Variants in ZNF135 observed in about 807,000 individuals in gnomAD.
ZNF135 encodes zinc finger protein 135 (clone pHZ-17).
A neutral mutation model predicts 12.3 loss-of-function variants in ZNF135; 11 were observed. The observed-to-expected ratio is 0.89, with a 90% CI of 0.56 to 1.48. The LOEUF (loss-of-function observed/expected upper bound fraction) is 1.48. Ranked by LOEUF, ZNF135 falls within the 40% of genes most tolerant of loss-of-function variation. The probability of loss-of-function intolerance (pLI) is 0.00; values close to 1 mark genes in which losing one functional copy is unlikely to be tolerated. For missense variants in ZNF135, 722 were observed against 815.7 expected (o/e 0.89, Z 1.40); for synonymous variants, 316 against 312.0 (o/e 1.01, Z -0.14).
chr19:58,061,848 A>C, intron 3 of ZNF135, 142 bp downstream of exon 3: 8 of 1,083,992 alleles, frequency 7.4e-6, no homozygotes, highest in Non-Finnish European at 1.0e-5. Flanking sequence ...TGACTGTTTT[A>C]ATGTAGGAAA....
chr19:58,060,103 C>G lies in ZNF135; in HGVS notation c.33+68C>G. 1 of 1,603,120 alleles carries G rather than the reference C, an allele frequency of 6.2e-7. No individual in the cohort carries two copies. The highest frequency in any genetic ancestry group is 1.3e-5 in the African/African-American group (1 of 74,232). On this transcript the variant is annotated intron_variant, in intron 2 of 4. Transcript: ENST00000313434. The surrounding 1 kb of genome is among the most constrained non-coding windows in gnomAD (Gnocchi z 4.9). ...CCGGCCTCCTCGCGCGCGGCCTTCTCACGCCCGGCCTCCTCTTTGCACCCC... is the reference window on the plus strand; with the variant it reads ...CCGGCCTCCTCGCGCGCGGCCTTCTGACGCCCGGCCTCCTCTTTGCACCCC...
rs751039326 is a variant in ZNF135 at position 58,068,318 on chromosome 19, G to A, written c.1834G>A (p.Gly612Arg). 2.5e-5 allele frequency: 40 copies of A among 1,613,880 alleles called. No individual in the cohort carries two copies. The highest frequency in any genetic ancestry group is 5.3e-5 in the African/African-American group (4 of 74,844). Residue 612 changes from glycine (G) to arginine (R), a missense_variant, in exon 5 of 5, where the codon GGA becomes AGA. Gly to Arg is a moderately radical substitution (Grantham distance 125, BLOSUM62 -2). Coordinates refer to ENST00000313434, the MANE Select transcript of ZNF135 (RefSeq NM_001289401.2). ...AAAGCCCTATGAGTGTCACGATTGC[G>A]GAAAGTCCTTTAGGCAGAGCACCCA... ...GEKPYECHDC[G>R]KSFRQSTHLT...
intron 3 of ZNF135, among the ~76,000 whole-genome samples, chr19:58,062,298 C>A (rs951124383): frequency 1.3e-5 from 2 of 152,140 alleles, no homozygotes; most frequent in African/African-American, 4.8e-5. Flanking sequence ...TAATCACTTC[C>A]CCAAGGCCCC....
At position 58,068,056 on chromosome 19, in the gene ZNF135, C is replaced by T; in HGVS notation, c.1572C>T (p.Cys524=). The change falls in exon 5 of 5, where the codon TGC becomes TGT. Residue 524 remains cysteine, a synonymous_variant. Transcript: ENST00000313434. ...RIHTGEKPYE[C]NQCGRAFSQL... is the part of the protein sequence containing the mutation. ...ACACTGGGGAGAAGCCCTACGAATG[C>T]AACCAGTGTGGCAGAGCCTTCAGCC... The T allele has an allele frequency of 1.2e-6, 2 of 1,614,052 alleles. No individual in the cohort carries two copies. The highest frequency in any genetic ancestry group is 1.1e-5 in the South Asian group (1 of 91,072).
rs773014879 is a variant in ZNF135, at chr19:58,067,041, GCCCCC to G, written c.558_562del (p.Ser186ArgfsTer37). On this transcript the variant is annotated frameshift_variant, in exon 5 of 5. Transcript: ENST00000313434. LOFTEE classifies it low-confidence loss of function (END_TRUNC). Reference sequence around the variant, plus strand: ...CAACCAATGACTCCTGAAAGACAAAGCCCCCACACATGGGGAACACGTGGAAAAAG... The same window carrying G: ...CAACCAATGACTCCTGAAAGACAAAGACACATGGGGAACACGTGGAAAAAG... 1.2e-6 allele frequency: 2 copies of G among 1,614,166 alleles called. No homozygotes were observed. Among genetic ancestry groups the G allele is most frequent in the South Asian group, 1.1e-5 (1 of 91,086 alleles).
intron 2 of ZNF135, among the ~76,000 whole-genome samples, chr19:58,061,029 G>A: frequency 6.6e-6 from 1 of 151,988 alleles, no homozygotes; most frequent in Non-Finnish European, 1.5e-5. Flanking sequence ...TCGAGAGGCT[G>A]AGGCAGGAGA....
Position 58,068,845 on chromosome 19 carries a change from C to A in ZNF135, c.*384C>A. On this transcript the variant is annotated 3_prime_UTR_variant, in exon 5 of 5. Transcript: ENST00000313434. ...CAGAGATGTTCAAATTGGTGAGAAA[C>A]CCAACAAATGCCTTTCATATATACG... 1 of 187,132 alleles carries A rather than the reference C, an allele frequency of 5.3e-6. No individual in the cohort carries two copies. The highest frequency in any genetic ancestry group is 1.2e-4 in the South Asian group (1 of 8,044). 11.6% of individuals were successfully genotyped at this position (187,132 alleles called of 1,614,324 possible).
rs1452124390 is a variant in ZNF135, at chr19:58,063,988, AAGTCATGCATC to A, written c.256+453_256+463del. On this transcript the variant is annotated intron_variant, in intron 4 of 4. Coordinates refer to ENST00000313434, the MANE Select transcript of ZNF135 (RefSeq NM_001289401.2). The surrounding 1 kb of genome is among the most constrained non-coding windows in gnomAD (Gnocchi z 4.4). ...AGGAAACAGCAGGTGCAAAGGCCTG[AAGTCATGCATC>A]AGTCAGCTTTTGTGTAGGAAAACAC... Among the ~76,000 whole-genome samples the A allele has an allele frequency of 5.3e-5, 8 of 152,214 alleles. No individual in the cohort carries two copies. Among genetic ancestry groups the A allele is most frequent in the Non-Finnish European group, 8.8e-5 (6 of 68,034 alleles).
Position 58,067,742 on chromosome 19 carries a change from A to G in ZNF135, c.1258A>G (p.Ser420Gly). ...GTGTGGTGAGTGTGGGAAAGCCTTC[A>G]GTCAGAGCACACTCCTGACCGAGCA... ...YECGECGKAF[S>G]QSTLLTEHRR... is the part of the protein sequence containing the mutation. Residue 420 changes from serine to glycine, a missense_variant, in exon 5 of 5, where the codon AGT becomes GGT. Transcript: ENST00000313434. 6.2e-7 allele frequency: 1 copy of G among 1,614,120 alleles called. No homozygotes were observed. Among genetic ancestry groups the G allele is most frequent in the African/African-American group, 1.3e-5 (1 of 75,012 alleles).
rs533455426 is a variant in ZNF135, at chr19:58,063,940, G to A, written c.256+399G>A. Among the ~76,000 whole-genome samples the A allele has an allele frequency of 5.8e-4, 89 of 152,318 alleles. 1 individual carries two copies. The Middle Eastern group carries it at 0.01, about 17-fold the overall frequency. On this transcript the variant is annotated intron_variant, in intron 4 of 4. Transcript: ENST00000313434. The surrounding 1 kb of genome is among the most constrained non-coding windows in gnomAD (Gnocchi z 4.4). ...AAGCCTGAGCCATGAGGCAGTCTGAGTGAACAGTAGTATTTCAGGCAGAGG... is the reference window on the plus strand; with the variant it reads ...AAGCCTGAGCCATGAGGCAGTCTGAATGAACAGTAGTATTTCAGGCAGAGG...
chr19:58,068,269 G>T lies in ZNF135; in HGVS notation c.1785G>T (p.Gln595His), dbSNP rs1360311304. Reference sequence around the variant, plus strand: ...TCAGCCACAGCTCCTCGCTCAGCCAGCACGAAAGGACGCACACTGGGGAAA... The same window carrying T: ...TCAGCCACAGCTCCTCGCTCAGCCATCACGAAAGGACGCACACTGGGGAAA... ...KSFSHSSSLS[Q>H]HERTHTGEKP... The change falls in exon 5 of 5, where the codon CAG (glutamine) becomes CAT (histidine). Residue 595 changes from glutamine (Q) to histidine (H), a missense_variant. Gln to His is a conservative substitution (Grantham distance 24). Transcript: ENST00000313434. The T allele has an allele frequency of 1.2e-6, 2 of 1,614,032 alleles. No homozygotes were observed. Among genetic ancestry groups the T allele is most frequent in the Non-Finnish European group, 8.5e-7 (1 of 1,180,020 alleles).
rs2074012874 is a variant in ZNF135, at chr19:58,063,348, A to C, written c.161-98A>C. 1 of 1,545,004 alleles carries C rather than the reference A, an allele frequency of 6.5e-7. No individual in the cohort carries two copies. The highest frequency in any genetic ancestry group is 1.2e-5 in the South Asian group (1 of 84,448). On this transcript the variant is annotated intron_variant, in intron 3 of 4. Transcript: ENST00000313434. This position sits in a 1 kb window ranked among gnomAD's most constrained non-coding sequence, Gnocchi z 4.4. ...CAGCTGAAGTCACTCAGGGGTCCCC[A>C]GCCATCTGGGACCTGGAAGACCAAA...
chr19:58,063,314 TG>T lies in ZNF135; in HGVS notation c.161-129del. ...AGTCCCTGAGGAACATCCAGGGCTGTGGGTATGACAGCTGAAGTCACTCAGG... is the reference window on the plus strand; with the variant it reads ...AGTCCCTGAGGAACATCCAGGGCTGTGGTATGACAGCTGAAGTCACTCAGG... On this transcript the variant is annotated intron_variant, in intron 3 of 4. Coordinates refer to ENST00000313434, the MANE Select transcript of ZNF135 (RefSeq NM_001289401.2). This position sits in a 1 kb window ranked among gnomAD's most constrained non-coding sequence, Gnocchi z 4.4. 1 of 1,429,882 alleles carries T rather than the reference TG, an allele frequency of 7.0e-7. No individual in the cohort carries two copies. The highest frequency in any genetic ancestry group is 9.4e-7 in the Non-Finnish European group (1 of 1,063,508). 88.6% of individuals were successfully genotyped at this position (1,429,882 alleles called of 1,614,324 possible).
chr19:58,061,812 G>A (rs1281831520), intron 3 of ZNF135, 106 bp downstream of exon 3: 3 of 1,408,810 alleles, frequency 2.1e-6, no homozygotes, highest in South Asian at 1.5e-5. Context: ...AATGCCTGGG[G>A]CTGTATGTCT....
Position 58,061,587 on chromosome 19 carries a change from T to G in ZNF135, c.41T>G (p.Val14Gly). The G allele has an allele frequency of 6.2e-7, 1 of 1,612,278 alleles. No individual in the cohort carries two copies. The highest frequency in any genetic ancestry group is 8.5e-7 in the Non-Finnish European group (1 of 1,179,252). The change falls in exon 3 of 5, where the codon GTG (valine) becomes GGG (glycine). Residue 14 changes from valine (V) to glycine (G), a missense_variant. Physicochemically the swap from Val to Gly is moderately radical, Grantham distance 109. Coordinates refer to ENST00000313434, the MANE Select transcript of ZNF135 (RefSeq NM_001289401.2). ...ACTCGTGTGATGTTTCAGGAGCAAG[T>G]GACGTTTGAGGACGTGGTAGTGGGC... Reference protein sequence around the residue: ...GVRVSTDPEQVTFEDVVVGFS... With the variant: ...GVRVSTDPEQGTFEDVVVGFS...
chr19:58,065,651 C>T lies in ZNF135; in HGVS notation c.257-1090C>T, dbSNP rs972530315. On this transcript the variant is annotated intron_variant, in intron 4 of 4. Transcript: ENST00000313434. This position sits in a 1 kb window ranked among gnomAD's most constrained non-coding sequence, Gnocchi z 4.0. Reference sequence around the variant, plus strand: ...CCTTTTTTCCCCATTTAAGGACCCTCGTGATTACACAGGTCCACCCAGATA... The same window carrying T: ...CCTTTTTTCCCCATTTAAGGACCCTTGTGATTACACAGGTCCACCCAGATA... 7.2e-5 allele frequency among the ~76,000 whole-genome samples: 11 copies of T among 152,118 alleles called. No homozygotes were observed. The highest frequency in any genetic ancestry group is 1.3e-4 in the Non-Finnish European group (9 of 68,036).
intron 4 of ZNF135, among the ~76,000 whole-genome samples, chr19:58,066,042 G>A (rs1209694947): frequency 6.6e-6 from 1 of 152,196 alleles, no homozygotes; most frequent in Non-Finnish European, 1.5e-5. Flanking sequence ...AGCTCTTGCT[G>A]TGGGCTATAG....
intron 3 of ZNF135, among the ~76,000 whole-genome samples, chr19:58,062,917 C>T (rs2074005758): frequency 6.6e-6 from 1 of 151,402 alleles, no homozygotes; most frequent in African/African-American, 2.4e-5. Flanking sequence ...CCTCAAGCTT[C>T]TAGGCTAAAG....
At position 58,068,233 on chromosome 19, in the gene ZNF135, T is replaced by C; in HGVS notation, c.1749T>C (p.Cys583=). ...TKEKPYGCNE[C]GKSFSHSSSL... ...AAAAGCCGTATGGGTGCAATGAGTG[T>C]GGGAAATCCTTCAGCCACAGCTCCT... The change falls in exon 5 of 5, where the codon TGT becomes TGC. Residue 583 remains cysteine, a synonymous_variant. Coordinates refer to ENST00000313434, the MANE Select transcript of ZNF135 (RefSeq NM_001289401.2). The C allele has an allele frequency of 6.2e-7, 1 of 1,613,802 alleles. No homozygotes were observed. Among genetic ancestry groups the C allele is most frequent in the Non-Finnish European group, 8.5e-7 (1 of 1,179,932 alleles).
Sources: gnomAD v4.1 joint callset for allele counts (sites outside exome capture counted in the v4.1 genomes callset) on GRCh38, gnomAD v4.1.1 for gene constraint, Gnocchi (gnomAD v3.1) non-coding constraint, MANE v1.5 for transcripts, NCBI Gene and HGNC (gene_info 2026-07-23, HGNC 2026-07-21) for gene names.